Variants in ASAP1 observed in about 807,000 individuals in gnomAD.
The protein encoded by ASAP1 is arf-GAP with SH3 domain, ANK repeat and PH domain-containing protein 1.
Under a neutral mutation model 145.2 loss-of-function variants are expected in ASAP1, and 43 were observed. The observed-to-expected ratio is 0.30, with a 90% CI of 0.23 to 0.38. The LOEUF (loss-of-function observed/expected upper bound fraction) is 0.38. Ranked by LOEUF, ASAP1 falls within the 10% of genes least tolerant of loss-of-function variation. The pLI is 1.00. For synonymous variants in ASAP1, 546 were observed against 515.5 expected (o/e 1.06, Z -0.80); for missense variants, 1,018 against 1,355.3 (o/e 0.75, Z 3.91).
At chr8:130,407,655 C>G (rs1279928221) in intron 1 of ASAP1, among the ~76,000 whole-genome samples, 3 of 152,234 alleles carry the variant, frequency 2.0e-5, no homozygotes, top group African/African-American at 4.8e-5. Context: ...TTGTTACCAC[C>G]CACGTTTCTG....
chr8:130,315,570 T>G lies in ASAP1; in HGVS notation c.186+42447A>C, dbSNP rs551860342. On this transcript the variant is annotated intron_variant, in intron 3 of 29. Transcript: ENST00000518721. ...CTAAGGAGAAGAGGCGAGTCTGAAT[T>G]AGGCTGAGCCAAGAAATAGACCACT... Among the ~76,000 whole-genome samples the G allele has an allele frequency of 3.9e-5, 6 of 152,298 alleles. No individual in the cohort carries two copies. The East Asian group carries it at 1.2e-3, about 29-fold the overall frequency.
In ASAP1 at chr8:130,265,380, G is replaced by A. The variant is rs569346795; in HGVS notation, c.187-28386C>T. 1.2e-3 allele frequency among the ~76,000 whole-genome samples: 175 copies of A among 151,062 alleles called. 2 individuals carry two copies. The highest frequency in any genetic ancestry group is 6.5e-4 in the Non-Finnish European group (44 of 67,702). On this transcript the variant is annotated intron_variant, in intron 3 of 29. Coordinates refer to ENST00000518721, the MANE Select transcript of ASAP1 (RefSeq NM_018482.4). Reference sequence around the variant, plus strand: ...GAGCCCAGGAGCTTGAGACCAGTCTGGGTAACATAGCAAGACCTCATCTCA... The same window carrying A: ...GAGCCCAGGAGCTTGAGACCAGTCTAGGTAACATAGCAAGACCTCATCTCA...
chr8:130,187,527 C>T (rs1565066993), intron 6 of ASAP1, among the ~76,000 whole-genome samples: 1 of 151,876 alleles, frequency 6.6e-6, no homozygotes, highest in Non-Finnish European at 1.5e-5. Flanking sequence ...TTGATCTTCC[C>T]ACCTCAGCTT....
At chr8:130,381,818 G>A (rs539265005) in intron 2 of ASAP1, among the ~76,000 whole-genome samples, 1 of 152,218 alleles carries the variant, frequency 6.6e-6, no homozygotes, top group Non-Finnish European at 1.5e-5. Flanking sequence ...TGCACGTGCT[G>A]TTCCCCTCAG....
chr8:130,058,108 G>C (rs781152936), intron 28 of ASAP1, 32 bp from the exon 29 acceptor site: 4 of 1,604,014 alleles, frequency 2.5e-6, no homozygotes, highest in Non-Finnish European at 3.4e-6. Flanking sequence ...TTAATTGAAA[G>C]AATGGACTGA....
chr8:130,138,919 G>C (rs1231895382), intron 13 of ASAP1, among the ~76,000 whole-genome samples: 1 of 151,548 alleles, frequency 6.6e-6, no homozygotes, highest in African/African-American at 2.4e-5. Flanking sequence ...CTGTAGCCAC[G>C]AAGCAGGCTT....
chr8:130,159,141 G>A (rs1187544643), intron 12 of ASAP1, among the ~76,000 whole-genome samples: 2 of 152,190 alleles, frequency 1.3e-5, no homozygotes, highest in African/African-American at 4.8e-5. Context: ...GAATACTCCA[G>A]GAGAGACAGC....
intron 15 of ASAP1, among the ~76,000 whole-genome samples, chr8:130,131,049 C>T (rs139286089): frequency 2.4e-4 from 36 of 152,060 alleles, no homozygotes; most frequent in African/African-American, 8.7e-4. Context: ...TCCAGGTACT[C>T]GCGAGGCTGA....
At chr8:130,220,612 A>C (rs1817234323) in intron 4 of ASAP1, among the ~76,000 whole-genome samples, 1 of 152,168 alleles carries the variant, frequency 6.6e-6, no homozygotes, top group Non-Finnish European at 1.5e-5. Context: ...TGAGGTGGGC[A>C]GATGGCTTGA....
intron 5 of ASAP1, among the ~76,000 whole-genome samples, chr8:130,193,135 G>A (rs561827999): frequency 6.6e-6 from 1 of 152,282 alleles, no homozygotes; most frequent in African/African-American, 2.4e-5. Flanking sequence ...TTGGGAGGCC[G>A]AGGCGGGCGA....
chr8:130,073,947 G>A (rs893382009), intron 27 of ASAP1, among the ~76,000 whole-genome samples: 3 of 152,176 alleles, frequency 2.0e-5, no homozygotes, highest in African/African-American at 7.2e-5. Context: ...GAACAAACAC[G>A]AGGGGATGGA....
At chr8:130,168,942 A>G in intron 10 of ASAP1, 50 bp downstream of exon 10, 2 of 1,119,802 alleles carry the variant, frequency 1.8e-6, no homozygotes, top group Non-Finnish European at 2.6e-6. Context: ...ATTTACTGAA[A>G]CTTATCCATG....
Position 130,334,133 on chromosome 8 carries a change from CT to C in ASAP1, c.186+23883del, listed in dbSNP as rs11354681. Among the ~76,000 whole-genome samples, 1,183 of 152,298 alleles carry C rather than the reference CT, an allele frequency of 7.8e-3. 14 individuals are homozygous for C. The highest frequency in any genetic ancestry group is 0.027 in the African/African-American group (1,136 of 41,556). ...AGAGGCTTCCAGTTTGCTTCTGCTC[CT>C]TCTGGCAGCAGCAGAAGGCAGAGGA... On this transcript the variant is annotated intron_variant, in intron 3 of 29. Coordinates refer to ENST00000518721, the MANE Select transcript of ASAP1 (RefSeq NM_018482.4).
intron 27 of ASAP1, among the ~76,000 whole-genome samples, chr8:130,072,830 CGGGG>C (rs113708683): frequency 1.9e-4 from 6 of 31,922 alleles, no homozygotes; most frequent in Non-Finnish European, 2.6e-4. Flanking sequence ...TGTGTGCGCG[CGGGG>C]GGGGGCAGTT....
At chr8:130,382,520 A>G (rs1296954609) in intron 2 of ASAP1, among the ~76,000 whole-genome samples, 1 of 152,198 alleles carries the variant, frequency 6.6e-6, no homozygotes, top group African/African-American at 2.4e-5. Context: ...AGGCACTGTC[A>G]TGTATTCTCA....
intron 2 of ASAP1, among the ~76,000 whole-genome samples, chr8:130,363,044 T>TGA (rs1200007179): frequency 6.6e-6 from 1 of 152,212 alleles, no homozygotes; most frequent in African/African-American, 2.4e-5. Context: ...CTTGTTAAAG[T>TGA]ATTTCTCCTC....
chr8:130,095,609 G>A (rs1172857753), intron 24 of ASAP1, among the ~76,000 whole-genome samples: 1 of 148,406 alleles, frequency 6.7e-6, no homozygotes, highest in African/African-American at 2.5e-5. Context: ...CCTAAGGCCA[G>A]TGATTCTTTT....
At chr8:130,412,412 C>G (rs1829305500) in intron 1 of ASAP1, among the ~76,000 whole-genome samples, 1 of 151,962 alleles carries the variant, frequency 6.6e-6, no homozygotes. Flanking sequence ...CTCTCTCTTG[C>G]TCCTGCTTGG....
intron 2 of ASAP1, among the ~76,000 whole-genome samples, chr8:130,396,866 T>C (rs981564442): frequency 6.6e-6 from 1 of 152,080 alleles, no homozygotes. Context: ...ATGGGCTTGG[T>C]TGAGGAGGGT....
Sources: allele counts gnomAD v4.1 joint callset (sites outside exome capture counted in the v4.1 genomes callset), GRCh38; gene constraint gnomAD v4.1.1; transcripts MANE v1.5; gene names NCBI Gene and HGNC (gene_info 2026-07-23, HGNC 2026-07-21).